The following ZNF519 variants were observed in gnomAD, a reference collection of about 807,000 sequenced individuals.
ZNF519 encodes the protein similar to Zinc finger protein 85 (Zinc finger protein HPF4) (HTF1).
A neutral mutation model predicts 7.4 loss-of-function variants in ZNF519; 7 were observed. The observed-to-expected ratio is 0.94, with a 90% confidence interval of 0.54 to 1.77. The LOEUF is 1.77. ZNF519 is among the 40% of genes most tolerant of loss of function. The pLI is 0.00. For synonymous variants in ZNF519, 179 were observed against 203.3 expected, an observed-to-expected ratio of 0.88 and a Z score of 1.02; for missense variants, 586 against 623.1, an observed-to-expected ratio of 0.94 and a Z score of 0.63.
At chr18:14,113,894 C>T (rs2046234191) in intron 2 of ZNF519, among the ~76,000 whole-genome samples, 1 of 152,148 alleles carries the variant, frequency 6.6e-6, no homozygotes, top group Non-Finnish European at 1.5e-5. Context: ...CTGATGACCA[C>T]ATGTTGAGCA....
intron 2 of ZNF519, among the ~76,000 whole-genome samples, chr18:14,094,595 T>C (rs1598511447): frequency 6.6e-6 from 1 of 152,238 alleles, no homozygotes; most frequent in South Asian, 2.1e-4. Flanking sequence ...AACTTGCATA[T>C]GTAAAGCATC....
At chr18:14,128,294 A>AAACAAACAAAC (rs1286638934) in intron 1 of ZNF519, among the ~76,000 whole-genome samples, 1 of 43,254 alleles carries the variant, frequency 2.3e-5, no homozygotes, top group Non-Finnish European at 6.9e-5. Context: ...CTCTCTCTCA[A>AAACAAACAAAC]AACAAACAAA....
intron 2 of ZNF519, among the ~76,000 whole-genome samples, chr18:14,116,809 C>G (rs1419163449): frequency 6.6e-6 from 1 of 152,142 alleles, no homozygotes; most frequent in Non-Finnish European, 1.5e-5. Context: ...GAGTTCAAAA[C>G]CAGCCTGACC....
At position 14,128,310 on chromosome 18, in the gene ZNF519, A is replaced by AAACAAACAAACAAACAAACAAC. The variant is rs569951991; in HGVS notation, c.4-3835_4-3834insGTTGTTTGTTTGTTTGTTTGTT. On this transcript the variant is annotated intron_variant, in intron 1 of 2. Transcript: ENST00000590202. ...TCTCTCTCAAAACAAACAAACAAAC[A>AAACAAACAAACAAACAAACAAC]AACTCTCCACCATAACAGAACAGCA... Among the ~76,000 whole-genome samples the AAACAAACAAACAAACAAACAAC allele has an allele frequency of 6.9e-3, 1,049 of 151,854 alleles. 13 individuals are homozygous for AAACAAACAAACAAACAAACAAC. Among genetic ancestry groups the AAACAAACAAACAAACAAACAAC allele is most frequent in the African/African-American group, 0.023 (953 of 41,282 alleles).
At chr18:14,072,107 C>T (rs1314114647), downstream of ZNF519, 2 of 152,172 alleles carry the variant, frequency 1.3e-5, no homozygotes, top group African/African-American at 4.8e-5. Context: ...TTTCCTAATG[C>T]AGACTAAATA....
At chr18:14,113,018 C>A (rs1432936723) in intron 2 of ZNF519, among the ~76,000 whole-genome samples, 1 of 152,128 alleles carries the variant, frequency 6.6e-6, no homozygotes, top group Non-Finnish European at 1.5e-5. Context: ...TAACATATGA[C>A]CTCCAGTTCC....
intron 1 of ZNF519, among the ~76,000 whole-genome samples, chr18:14,127,327 G>A (rs1437576116): frequency 6.6e-6 from 1 of 152,196 alleles, no homozygotes. Context: ...TCTTCTGTGA[G>A]TTTTCTGTAT....
At chr18:14,080,449 G>A (rs2046066764) in intron 3 of ZNF519, among the ~76,000 whole-genome samples, 1 of 150,858 alleles carries the variant, frequency 6.6e-6, no homozygotes. Context: ...AGCCTCCTGA[G>A]TAGCTGGAAC....
At position 14,131,733 on chromosome 18, in the gene ZNF519, G is replaced by A. The variant is rs540125997; in HGVS notation, c.3+542C>T. Among the ~76,000 whole-genome samples the A allele has an allele frequency of 5.3e-5, 8 of 151,888 alleles. No homozygotes were observed. In the South Asian group the frequency reaches 1.7e-3, roughly 32 times the overall value. On this transcript the variant is annotated intron_variant, in intron 1 of 2. Coordinates refer to ENST00000590202, the MANE Select transcript of ZNF519 (RefSeq NM_145287.4). ...TACATAACCAGGAAATTTCCACCCAGACACTCCAAATAAAGCGACTACATA... is the reference window on the plus strand; with the variant it reads ...TACATAACCAGGAAATTTCCACCCAAACACTCCAAATAAAGCGACTACATA...
intron 2 of ZNF519, among the ~76,000 whole-genome samples, chr18:14,094,267 C>T (rs919447082): frequency 6.6e-6 from 1 of 152,212 alleles, no homozygotes; most frequent in South Asian, 2.1e-4. Context: ...CCACACTAAC[C>T]TCTAAAAACA....
In ZNF519 at chr18:14,106,340, G is replaced by A; in HGVS notation, c.200C>T (p.Thr67Ile). Residue 67 changes from threonine to isoleucine, a missense_variant, in exon 3 of 3, where the codon ACA (threonine) becomes ATA (isoleucine). Coordinates refer to ENST00000590202, the MANE Select transcript of ZNF519 (RefSeq NM_145287.4). The stretch of plus-strand genomic sequence containing the variant: ...GCCACAGCTCCCATATCTTCCCAGT[G>A]TTGCTTTTTTGAATGAATCTTGTAT... ...QGIQDSFKKA[T>I]LGRYGSCGLE... 2 of 1,612,162 alleles carry A rather than the reference G, an allele frequency of 1.2e-6. No homozygotes were observed. Among genetic ancestry groups the A allele is most frequent in the Non-Finnish European group, 1.7e-6 (2 of 1,179,550 alleles).
chr18:14,075,735 G>A (rs2046045173), downstream of ZNF519: 1 of 152,110 alleles, frequency 6.6e-6, no homozygotes, highest in Non-Finnish European at 1.5e-5. Context: ...CATCCCTAGA[G>A]GACATTTGTT....
intron 2 of ZNF519, among the ~76,000 whole-genome samples, chr18:14,120,965 G>T (rs1348493807): frequency 6.6e-6 from 1 of 152,034 alleles, no homozygotes; most frequent in Admixed American, 6.6e-5. Context: ...TGGTGTGTGT[G>T]TGTGTACATA....
downstream of ZNF519, chr18:14,074,083 C>G (rs2046038041): frequency 6.6e-6 from 1 of 152,220 alleles, no homozygotes; most frequent in Non-Finnish European, 1.5e-5. Context: ...GCCCTGTAGT[C>G]ATCTGTGTCC....
At chr18:14,113,959 A>AT (rs2046234570) in intron 2 of ZNF519, among the ~76,000 whole-genome samples, 1 of 152,100 alleles carries the variant, frequency 6.6e-6, no homozygotes, top group East Asian at 1.9e-4. Context: ...GTCTATTCAC[A>AT]TTTTTTGCTC....
chr18:14,084,697 T>C (rs28491093), intron 3 of ZNF519, among the ~76,000 whole-genome samples: 3,359 of 152,132 alleles, frequency 0.022, 127 homozygotes, highest in African/African-American at 0.074. Flanking sequence ...GGCTCCCCTC[T>C]CAAGGCCTGG....
intron 1 of ZNF519, among the ~76,000 whole-genome samples, chr18:14,126,011 C>T (rs1482349838): frequency 6.6e-6 from 1 of 152,024 alleles, no homozygotes. Context: ...GAATTTAAGG[C>T]CCCAAAGTAT....
Position 14,132,327 on chromosome 18 carries a change from C to A in ZNF519, c.-50G>T, listed in dbSNP as rs781059568. On this transcript the variant is annotated 5_prime_UTR_variant, in exon 1 of 3. Transcript: ENST00000590202. ...AGTCTTAGCTATAAATCATTCAATG[C>A]CAGCAGGTCACAGAGCGACGGAGTG... 1.9e-6 allele frequency: 3 copies of A among 1,609,706 alleles called. No homozygotes were observed. In the East Asian group the frequency reaches 6.7e-5, roughly 36 times the overall value.
chr18:14,109,929 C>T (rs2046212232), intron 2 of ZNF519, among the ~76,000 whole-genome samples: 1 of 152,134 alleles, frequency 6.6e-6, no homozygotes, highest in Non-Finnish European at 1.5e-5. Context: ...CATTACCCTA[C>T]TTCAAATTAT....
Sources: allele counts gnomAD v4.1 joint callset (sites outside exome capture counted in the v4.1 genomes callset), GRCh38; gene constraint gnomAD v4.1.1; transcripts MANE v1.5; gene names NCBI Gene and HGNC (gene_info 2026-07-23, HGNC 2026-07-21).